Variants in SLC8A1 observed in about 807,000 individuals in gnomAD.
SLC8A1 encodes the protein solute carrier family 8 member A1.
SLC8A1 carries 18 observed loss-of-function variants against 68.3 expected under a neutral mutation model. The ratio of observed to expected loss-of-function variants is 0.26; its 90% CI spans 0.18 to 0.39. The LOEUF (loss-of-function observed/expected upper bound fraction) is 0.39. Among genes scored for constraint, SLC8A1 ranks in the 10% least tolerant of loss-of-function variants. The pLI is 1.00. For synonymous variants in SLC8A1, 475 were observed against 415.5 expected (o/e 1.14, Z -1.74); for missense variants, 985 against 1,156.7 (o/e 0.85, Z 2.15).
chr2:40,275,613 G>C (rs1464095845), intron 2 of SLC8A1, among the ~76,000 whole-genome samples: 1 of 152,150 alleles, frequency 6.6e-6, no homozygotes, highest in African/African-American at 2.4e-5. Context: ...TTTTACATGA[G>C]CTTGAGTAAC....
chr2:40,362,413 T>A (rs1366268914), intron 2 of SLC8A1, among the ~76,000 whole-genome samples: 1 of 152,134 alleles, frequency 6.6e-6, no homozygotes, highest in Non-Finnish European at 1.5e-5. Flanking sequence ...AAAGTAGGAA[T>A]AACACTTGCA....
chr2:40,465,669 A>AT lies in SLC8A1; in HGVS notation c.-24-35366dup, dbSNP rs369148721. ...AGGTCATTATAAAGAATTTTAATAT[A>AT]TATACATGGAATATGTTATATTCGT... On this transcript the variant is annotated intron_variant, in intron 1 of 7. Transcript: ENST00000402441. Among the ~76,000 whole-genome samples, 517 of 152,340 alleles carry AT rather than the reference A, an allele frequency of 3.4e-3. 1 individual carries two copies. The highest frequency in any genetic ancestry group is 0.031 in the Middle Eastern group (9 of 294).
In SLC8A1 at chr2:40,131,151, A is replaced by G. The variant is rs1029824814; in HGVS notation, c.2437+8250T>C. Among the ~76,000 whole-genome samples, 5 of 152,062 alleles carry G rather than the reference A, an allele frequency of 3.3e-5. No homozygotes were observed. In the South Asian group the frequency reaches 8.3e-4, roughly 25 times the overall value. On this transcript the variant is annotated intron_variant, in intron 7 of 7. Coordinates refer to ENST00000406785, the Ensembl canonical transcript of SLC8A1. ...CTGTGAGATGGATTTTCATGTTCCTATTATTCTGGCTTAGAGGAGTTAAGC... is the reference window on the plus strand; with the variant it reads ...CTGTGAGATGGATTTTCATGTTCCTGTTATTCTGGCTTAGAGGAGTTAAGC...
chr2:40,166,237 G>A (rs2046534593), intron 4 of SLC8A1, among the ~76,000 whole-genome samples: 1 of 152,180 alleles, frequency 6.6e-6, no homozygotes, highest in Non-Finnish European at 1.5e-5. Context: ...TTTGGCAGCT[G>A]TTGCAGGGAA....
chr2:40,484,870 G>T (rs899838909), intron 1 of SLC8A1, among the ~76,000 whole-genome samples: 1 of 152,214 alleles, frequency 6.6e-6, no homozygotes, highest in Non-Finnish European at 1.5e-5. Flanking sequence ...AATCTCAGCA[G>T]AAGGATGCTG....
chr2:40,283,548 G>A (rs1276440620), intron 2 of SLC8A1, among the ~76,000 whole-genome samples: 1 of 152,176 alleles, frequency 6.6e-6, no homozygotes, highest in Non-Finnish European at 1.5e-5. Flanking sequence ...ACCCAGCACT[G>A]TTTTTGTGAC....
At chr2:40,335,192 A>G (rs1665559396) in intron 2 of SLC8A1, among the ~76,000 whole-genome samples, 1 of 152,234 alleles carries the variant, frequency 6.6e-6, no homozygotes, top group Non-Finnish European at 1.5e-5. Flanking sequence ...TACAATTATC[A>G]TACTACAACT....
intron 1 of SLC8A1, among the ~76,000 whole-genome samples, chr2:40,439,994 C>T (rs1159236027): frequency 6.6e-6 from 1 of 152,010 alleles, no homozygotes; most frequent in East Asian, 1.9e-4. Context: ...TATTACAATA[C>T]ACTTTAAAAA....
chr2:40,303,112 T>C (rs2071840110), intron 2 of SLC8A1, among the ~76,000 whole-genome samples: 1 of 152,194 alleles, frequency 6.6e-6, no homozygotes, highest in African/African-American at 2.4e-5. Context: ...TGCCAAAATC[T>C]GATTCATTTT....
Position 40,297,259 on chromosome 2 carries a change from C to G in SLC8A1, c.1809-119404G>C, listed in dbSNP as rs566407822. Among the ~76,000 whole-genome samples the G allele has an allele frequency of 2.1e-4, 32 of 152,252 alleles. 1 individual carries two copies. In the Middle Eastern group the frequency reaches 0.01, roughly 49 times the overall value. On this transcript the variant is annotated intron_variant, in intron 2 of 7. Coordinates refer to ENST00000406785, the Ensembl canonical transcript of SLC8A1. ...AATATGTAATACATAAATACATGTT[C>G]ATAAACTATTGGGAGAGTCTCAGGA... is the stretch of plus-strand genomic sequence containing the variant.
In SLC8A1 at chr2:40,249,816, A is replaced by C. The variant is rs191531359; in HGVS notation, c.1809-71961T>G. On this transcript the variant is annotated intron_variant, in intron 2 of 7. Coordinates refer to ENST00000406785, the Ensembl canonical transcript of SLC8A1. Reference sequence around the variant, plus strand: ...TGTCTCTACTCTGTATTATCTGCCTAGATCTTACTTAACACAGGAAGGGTG... The same window carrying C: ...TGTCTCTACTCTGTATTATCTGCCTCGATCTTACTTAACACAGGAAGGGTG... Among the ~76,000 whole-genome samples, 712 of 152,318 alleles carry C rather than the reference A, an allele frequency of 4.7e-3. 18 individuals carry two copies. Among genetic ancestry groups the C allele is most frequent in the Admixed American group, 0.042 (635 of 15,300 alleles).
upstream of SLC8A1, among the ~76,000 whole-genome samples, chr2:40,456,674 G>A (rs184319476): frequency 6.6e-6 from 1 of 152,260 alleles, no homozygotes; most frequent in East Asian, 1.9e-4. Flanking sequence ...ATGTATATAG[G>A]ATGCTTGGCA....
intron 1 of SLC8A1, among the ~76,000 whole-genome samples, chr2:40,448,976 C>CTA (rs1025416879): frequency 1.3e-5 from 2 of 151,966 alleles, no homozygotes; most frequent in Non-Finnish European, 2.9e-5. Flanking sequence ...CATATGTGCT[C>CTA]TAACAGCCTC....
At chr2:40,212,500 G>T (rs1264410941) in intron 2 of SLC8A1, among the ~76,000 whole-genome samples, 1 of 151,948 alleles carries the variant, frequency 6.6e-6, no homozygotes, top group South Asian at 2.1e-4. Context: ...GGCCAGGATG[G>T]TCTGTATCTC....
chr2:40,437,858 A>G (rs1699729807), intron 1 of SLC8A1, among the ~76,000 whole-genome samples: 1 of 152,150 alleles, frequency 6.6e-6, no homozygotes, highest in Non-Finnish European at 1.5e-5. Flanking sequence ...AAAGATAAAT[A>G]AAACATATCT....
At chr2:40,239,679 C>CA (rs1259333094) in intron 2 of SLC8A1, among the ~76,000 whole-genome samples, 10 of 151,866 alleles carry the variant, frequency 6.6e-5, no homozygotes, top group South Asian at 2.1e-4. Flanking sequence ...GACTCTGTCT[C>CA]AAAAAAACAA....
chr2:40,361,153 G>T (rs1674506220), intron 2 of SLC8A1, among the ~76,000 whole-genome samples: 1 of 152,126 alleles, frequency 6.6e-6, no homozygotes, highest in Non-Finnish European at 1.5e-5. Flanking sequence ...GGTGTTAACA[G>T]TGAATTCAAG....
rs560209116 is a variant in SLC8A1 at position 40,428,204 on chromosome 2, CAT to C, written c.1808+267_1808+268del. Among the ~76,000 whole-genome samples the C allele has an allele frequency of 3.5e-3, 533 of 152,202 alleles. 2 individuals are homozygous for C. The highest frequency in any genetic ancestry group is 0.014 in the Middle Eastern group (4 of 294). On this transcript the variant is annotated intron_variant, in intron 2 of 7. Transcript: ENST00000406785. ...AACTGTGTCCCATCACTCATTTTAT[CAT>C]AGTCACAATGTAGTTAAAATGTGTA...
At chr2:40,508,910 A>G (rs1229859509) in intron 1 of SLC8A1, among the ~76,000 whole-genome samples, 1 of 152,086 alleles carries the variant, frequency 6.6e-6, no homozygotes, top group Non-Finnish European at 1.5e-5. Flanking sequence ...CCCCACTAAC[A>G]TTTAATTCCT....
Sources: gnomAD v4.1 joint callset for allele counts (sites outside exome capture counted in the v4.1 genomes callset) on GRCh38, gnomAD v4.1.1 for gene constraint, MANE v1.5 for transcripts, NCBI Gene and HGNC (gene_info 2026-07-23, HGNC 2026-07-21) for gene names.